The following SERPINA10 variants were observed in gnomAD, a reference collection of about 807,000 sequenced individuals.
SERPINA10 encodes the protein protein Z-dependent protease inhibitor.
SERPINA10 carries 24 observed loss-of-function variants against 28.0 expected under a neutral mutation model. That is an observed-to-expected ratio of 0.86 (90% CI 0.62 to 1.20). The LOEUF (loss-of-function observed/expected upper bound fraction) is 1.20. SERPINA10 is among the 50% of genes most tolerant of loss of function. The pLI, the probability that SERPINA10 is intolerant of heterozygous loss-of-function variation, is 0.00. For synonymous variants in SERPINA10, 207 were observed against 203.9 expected, an observed-to-expected ratio of 1.02 and a Z score of -0.13; for missense variants, 521 against 537.7, an observed-to-expected ratio of 0.97 and a Z score of 0.31.
intron 1 of SERPINA10, 137 bp from the exon 2 acceptor site, chr14:94,290,780 G>C (rs1174805220): frequency 1.1e-6 from 1 of 910,738 alleles, no homozygotes; most frequent in African/African-American, 1.7e-5. Context: ...CCTAGAGCAA[G>C]TGTGGGTGAC....
intron 3 of SERPINA10, among the ~76,000 whole-genome samples, chr14:94,286,504 G>A (rs1488384513): frequency 6.6e-6 from 1 of 152,184 alleles, no homozygotes; most frequent in Non-Finnish European, 1.5e-5. Context: ...CTTTAGCAAA[G>A]TACTTATGTG....
rs1895137569 is a variant in SERPINA10 at position 94,290,351 on chromosome 14, G to A, written c.243C>T (p.Asn81=). Residue 81 remains asparagine, a synonymous_variant, in exon 2 of 5, where the codon AAC becomes AAT. Transcript: ENST00000261994. ...TCTTTCGCAGCAGGCTGAATCCGAA[G>A]TTTGAAGTCTCCTTGGCAAGCTGCT... The part of the protein sequence containing the change: ...SRQQLAKETS[N]FGFSLLRKIS... The A allele has an allele frequency of 6.2e-7, 1 of 1,614,210 alleles. No homozygotes were observed. Among genetic ancestry groups the A allele is most frequent in the Non-Finnish European group, 8.5e-7 (1 of 1,180,048 alleles).
At chr14:94,288,157 G>C in intron 3 of SERPINA10, 129 bp downstream of exon 3, 1 of 1,277,584 alleles carries the variant, frequency 7.8e-7, no homozygotes, top group Non-Finnish European at 1.1e-6. Context: ...GACAAATGCT[G>C]CCCTGCCTTC....
chr14:94,290,277 G>C lies in SERPINA10; in HGVS notation c.317C>G (p.Ser106Cys), dbSNP rs1463264488. The stretch of plus-strand genomic sequence containing the variant: ...CAGCATCAAGCCTGTCATGGCCAAG[G>C]ACATGCCAAATGGAGAGAAGACCAT... ...GNMVFSPFGM[S>C]LAMTGLMLGA... Residue 106 changes from serine to cysteine, a missense_variant, in exon 2 of 5, where the codon TCC becomes TGC. Ser to Cys is a moderately radical substitution (Grantham distance 112). Coordinates refer to ENST00000261994, the MANE Select transcript of SERPINA10 (RefSeq NM_001100607.3). 1 of 1,614,098 alleles carries C rather than the reference G, an allele frequency of 6.2e-7. No homozygotes were observed. Among genetic ancestry groups the C allele is most frequent in the Non-Finnish European group, 8.5e-7 (1 of 1,180,042 alleles).
chr14:94,291,786 C>T lies in SERPINA10; in HGVS notation c.-50-1143G>A, dbSNP rs370222756. The stretch of plus-strand genomic sequence containing the variant: ...GTATTGACAGGCGGTGCTGCCAGGC[C>T]TCTTCCTGATGCAGGGGCTGAGTCC... On this transcript the variant is annotated intron_variant, in intron 1 of 4. Coordinates refer to ENST00000261994, the MANE Select transcript of SERPINA10 (RefSeq NM_001100607.3). 1.0e-3 allele frequency among the ~76,000 whole-genome samples: 152 copies of T among 152,342 alleles called. 2 individuals carry two copies. Among genetic ancestry groups the T allele is most frequent in the African/African-American group, 3.5e-3 (146 of 41,580 alleles).
chr14:94,286,301 C>T, intron 3 of SERPINA10, 43 bp from the exon 4 acceptor site: 1 of 1,609,920 alleles, frequency 6.2e-7, no homozygotes, highest in Non-Finnish European at 8.5e-7. Context: ...AGACAAAGCC[C>T]TAGTCTGTGG....
Position 94,282,923 on chromosome 14 carries a change from A to T in SERPINA10, c.*1042T>A, listed in dbSNP as rs552549222. 1 of 152,264 alleles carries T rather than the reference A, an allele frequency of 6.6e-6. No individual in the cohort carries two copies. The highest frequency in any genetic ancestry group is 2.1e-4 in the South Asian group (1 of 4,822). The allele number at this position is 152,264 out of a possible 1,614,324, so 9.4% of individuals were successfully genotyped here. A position where few individuals can be genotyped will look rare whatever the true frequency, so the allele number is the denominator to read the frequency against. ...GGTCCCTCTTTCTTTCCTTTGTAAA[A>T]TGAAGGTATTGAACTAGATGATCTG... On this transcript the variant is annotated 3_prime_UTR_variant, in exon 5 of 5. Transcript: ENST00000261994.
At position 94,290,658 on chromosome 14, in the gene SERPINA10, G is replaced by A. The variant is rs1895152562; in HGVS notation, c.-50-15C>T. On this transcript the variant is annotated splice_polypyrimidine_tract_variant and intron_variant, in intron 1 of 4. Coordinates refer to ENST00000261994, the MANE Select transcript of SERPINA10 (RefSeq NM_001100607.3). ...TGCAAGACTTCCTGTGGAGAGGAGA[G>A]GATAGAGATGGTTTTAATGCCTCCT... 1.3e-6 allele frequency: 2 copies of A among 1,594,412 alleles called. No homozygotes were observed. Among genetic ancestry groups the A allele is most frequent in the South Asian group, 1.1e-5 (1 of 88,218 alleles).
Position 94,290,180 on chromosome 14 carries a change from G to C in SERPINA10, c.414C>G (p.Pro138=). The C allele has an allele frequency of 8.1e-6, 13 of 1,613,828 alleles. No individual in the cohort carries two copies. Among genetic ancestry groups the C allele is most frequent in the Non-Finnish European group, 1.0e-5 (12 of 1,179,874 alleles). The part of the protein sequence containing the change: ...LHLQALKPTK[P]GLLPSLFKGL... ...CCTTAAAGAGGGAAGGCAGGAGCCC[G>C]GGCTTGGTGGGCTTCAGGGCCTGCA... Residue 138 remains proline, a synonymous_variant, in exon 2 of 5, where the codon CCC becomes CCG. Transcript: ENST00000261994.
chr14:94,290,664 A>T (rs1342805439), intron 1 of SERPINA10, 21 bp from the exon 2 acceptor site: 1 of 1,588,534 alleles, frequency 6.3e-7, no homozygotes, highest in Non-Finnish European at 8.5e-7. Flanking sequence ...GAGAGGATAG[A>T]GATGGTTTTA....
chr14:94,286,115 A>G lies in SERPINA10; in HGVS notation c.1136T>C (p.Val379Ala). The change falls in exon 4 of 5, where the codon GTA (valine) becomes GCA (alanine). Residue 379 changes from valine to alanine, a missense_variant. By Grantham distance (64) the Val-to-Ala change is moderately conservative. Coordinates refer to ENST00000261994, the MANE Select transcript of SERPINA10 (RefSeq NM_001100607.3). ...TGAAAGATCCTGACTTACCCTGGAT[A>G]CTTGGAGATTTCTTCCAGTAGCTGA... ...ELSATGRNLQVSRVLQRTVIE... is the reference protein window; with the variant it reads ...ELSATGRNLQASRVLQRTVIE... 6.2e-6 allele frequency: 10 copies of G among 1,614,164 alleles called. No individual in the cohort carries two copies. The highest frequency in any genetic ancestry group is 8.5e-6 in the Non-Finnish European group (10 of 1,180,018).
chr14:94,289,742 A>C (rs548418809), intron 2 of SERPINA10, 134 bp downstream of exon 2: 1 of 983,736 alleles, frequency 1.0e-6, no homozygotes, highest in Non-Finnish European at 1.6e-6. Flanking sequence ...ATGTGTATCA[A>C]TCTGTTTTTG....
At position 94,283,802 on chromosome 14, in the gene SERPINA10, C is replaced by A; in HGVS notation, c.*163G>T. 1 of 684,522 alleles carries A rather than the reference C, an allele frequency of 1.5e-6. No homozygotes were observed. Among genetic ancestry groups the A allele is most frequent in the Non-Finnish European group, 2.5e-6 (1 of 395,154 alleles). The allele number at this position is 684,522 out of a possible 1,614,324, so 42.4% of individuals were successfully genotyped here. On this transcript the variant is annotated 3_prime_UTR_variant, in exon 5 of 5. Transcript: ENST00000261994. Reference sequence around the variant, plus strand: ...CTGCTGGGGGTCTTTGAATGTATCCCCCTCAGATAAGTGGGGACTACTGTA... The same window carrying A: ...CTGCTGGGGGTCTTTGAATGTATCCACCTCAGATAAGTGGGGACTACTGTA...
rs774086106 is a variant in SERPINA10 at position 94,283,921 on chromosome 14, A to G, written c.*44T>C. ...ATCCTGTGTGTGTTTGATACCTCAG[A>G]TTCAGCATCTACTACAGCACGAAGT... On this transcript the variant is annotated 3_prime_UTR_variant, in exon 5 of 5. Transcript: ENST00000261994. 9.5e-6 allele frequency: 15 copies of G among 1,587,288 alleles called. 1 individual carries two copies. The South Asian group carries it at 1.3e-4, about 14-fold the overall frequency.
At chr14:94,289,096 T>G (rs1895097081) in intron 2 of SERPINA10, among the ~76,000 whole-genome samples, 1 of 152,230 alleles carries the variant, frequency 6.6e-6, no homozygotes, top group South Asian at 2.1e-4. Context: ...CATTACTCTC[T>G]ACATAAACGT....
chr14:94,289,627 AGT>A (rs1895109910), intron 2 of SERPINA10, among the ~76,000 whole-genome samples: 1 of 152,136 alleles, frequency 6.6e-6, no homozygotes, highest in Admixed American at 6.5e-5. Flanking sequence ...TATGCTTCTA[AGT>A]GTCAGAGGGG....
At chr14:94,292,120 G>T (rs567505618) in intron 1 of SERPINA10, among the ~76,000 whole-genome samples, 6 of 152,334 alleles carry the variant, frequency 3.9e-5, no homozygotes, top group Admixed American at 6.5e-5. Context: ...GACTGAATGT[G>T]TCCCCTGAGA....
intron 2 of SERPINA10, among the ~76,000 whole-genome samples, chr14:94,289,321 C>T (rs925235702): frequency 6.6e-5 from 10 of 152,238 alleles, no homozygotes; most frequent in Non-Finnish European, 1.2e-4. Context: ...AAGCTAACGT[C>T]TCTGAGCTGG....
chr14:94,290,707 AG>A (rs1171838510), intron 1 of SERPINA10, 64 bp from the exon 2 acceptor site: 60 of 1,518,626 alleles, frequency 4.0e-5, no homozygotes, highest in Non-Finnish European at 4.9e-5. Context: ...GGATAGTAAA[AG>A]CTTCTTCAGG....
Sources: allele counts gnomAD v4.1 joint callset (sites outside exome capture counted in the v4.1 genomes callset), GRCh38; gene constraint gnomAD v4.1.1; transcripts MANE v1.5; gene names NCBI Gene and HGNC (gene_info 2026-07-23, HGNC 2026-07-21).